The following MID1 variants were observed in gnomAD, a reference collection of about 807,000 sequenced individuals.
MID1 encodes the protein midline 1, also known as E3 ubiquitin-protein ligase Midline-1.
Under a neutral mutation model 40.4 loss-of-function variants are expected in MID1, and 7 were observed. That is an observed-to-expected ratio of 0.17 (90% CI 0.10 to 0.33). The LOEUF (loss-of-function observed/expected upper bound fraction) is 0.33. MID1 is among the 10% of genes least tolerant of loss of function. MID1 has a pLI of 1.00. For synonymous variants in MID1, 229 were observed against 221.2 expected (o/e 1.04, Z -0.31); for missense variants, 367 against 558.5 (o/e 0.66, Z 3.46).
intron 3 of MID1, among the ~76,000 whole-genome samples, chrX:10,513,001 C>T (rs1038941567): frequency 8.9e-6 from 1 of 111,872 alleles, no homozygotes; most frequent in African/African-American, 3.2e-5. Context: ...CAAAAATAAC[C>T]AGTACTACAA....
intron 3 of MID1, among the ~76,000 whole-genome samples, chrX:10,516,289 G>T (rs1299929216): frequency 6.6e-5 from 7 of 105,599 alleles, no homozygotes; most frequent in African/African-American, 2.5e-4. Context: ...CTGCCTCCCG[G>T]GTTCACGCCA....
intron 1 of MID1, among the ~76,000 whole-genome samples, chrX:10,760,583 T>G (rs775192386): frequency 8.1e-5 from 9 of 111,198 alleles, no homozygotes; most frequent in African/African-American, 2.6e-4. Flanking sequence ...CCTGTAATCC[T>G]AGCACTTTGG....
intron 1 of MID1, among the ~76,000 whole-genome samples, chrX:10,809,838 C>T (rs1400097445): frequency 9.1e-6 from 1 of 110,071 alleles, no homozygotes; most frequent in Non-Finnish European, 1.9e-5. Context: ...ATGGGTGCAG[C>T]ACACCAACAT....
chrX:10,805,316 C>T (rs1325144989), intron 1 of MID1, among the ~76,000 whole-genome samples: 8 of 98,099 alleles, frequency 8.2e-5, no homozygotes, highest in Middle Eastern at 5.2e-3. Flanking sequence ...TGAGAATATG[C>T]GGTGTTTGGT....
At chrX:10,663,528 T>TTTTG (rs201374976) in intron 1 of MID1, among the ~76,000 whole-genome samples, 1 of 111,769 alleles carries the variant, frequency 8.9e-6, no homozygotes, top group African/African-American at 3.3e-5. Flanking sequence ...TTTGTTTGTT[T>TTTTG]TTTGTTTGTT....
chrX:10,459,531 T>G, intron 8 of MID1, 115 bp downstream of exon 8: 1 of 827,148 alleles, frequency 1.2e-6, no homozygotes, highest in Non-Finnish European at 1.8e-6. Flanking sequence ...TTTTACTTGT[T>G]TTGGGGGGCT....
chrX:10,541,859 T>C (rs1404772147), intron 2 of MID1, among the ~76,000 whole-genome samples: 1 of 111,795 alleles, frequency 8.9e-6, no homozygotes, highest in Non-Finnish European at 1.9e-5. Context: ...ATAAGCACCT[T>C]ACGCTGAAGT....
intron 1 of MID1, among the ~76,000 whole-genome samples, chrX:10,771,024 T>A (rs990227451): frequency 8.5e-5 from 9 of 106,100 alleles, no homozygotes; most frequent in African/African-American, 2.8e-4. Flanking sequence ...GAGAATGGCG[T>A]GAACCCGGGA....
chrX:10,750,212 G>C (rs1232163603), intron 1 of MID1, among the ~76,000 whole-genome samples: 1 of 111,568 alleles, frequency 9.0e-6, no homozygotes, highest in Non-Finnish European at 1.9e-5. Flanking sequence ...AGCCTCCTGA[G>C]TGGTCACAGA....
At chrX:10,473,160 CA>C (rs1435930524) in intron 6 of MID1, among the ~76,000 whole-genome samples, 1 of 112,454 alleles carries the variant, frequency 8.9e-6, no homozygotes, top group African/African-American at 3.2e-5. Flanking sequence ...TTCAAGTTTT[CA>C]ATAGCCCCAT....
intron 2 of MID1, among the ~76,000 whole-genome samples, chrX:10,560,905 T>C (rs928810356): frequency 6.5e-5 from 7 of 106,981 alleles, no homozygotes; most frequent in Non-Finnish European, 1.3e-4. Context: ...AGAGCCCATA[T>C]AGCCAAGACA....
At chrX:10,516,031 C>G (rs1366075909) in intron 3 of MID1, among the ~76,000 whole-genome samples, 2 of 111,258 alleles carry the variant, frequency 1.8e-5, no homozygotes, top group Admixed American at 1.9e-4. Flanking sequence ...TTGTCTTTCA[C>G]TACATATATA....
intron 7 of MID1, among the ~76,000 whole-genome samples, chrX:10,462,788 A>G (rs1215878065): frequency 2.7e-5 from 3 of 112,075 alleles, no homozygotes; most frequent in African/African-American, 9.7e-5. Flanking sequence ...AATTATGTGT[A>G]AAAATGTCAC....
intron 4 of MID1, among the ~76,000 whole-genome samples, chrX:10,488,623 T>C (rs902624282): frequency 9.0e-6 from 1 of 111,545 alleles, no homozygotes; most frequent in African/African-American, 3.3e-5. Flanking sequence ...GCCAACTTGA[T>C]TGGATTGAAG....
At chrX:10,711,587 A>G (rs932501672) in intron 1 of MID1, among the ~76,000 whole-genome samples, 1 of 112,225 alleles carries the variant, frequency 8.9e-6, no homozygotes, top group Non-Finnish European at 1.9e-5. Flanking sequence ...CTGTATTTCA[A>G]TTGTGGTTTT....
chrX:10,648,178 T>C (rs1177899339), intron 1 of MID1, among the ~76,000 whole-genome samples: 2 of 112,089 alleles, frequency 1.8e-5, no homozygotes, highest in Non-Finnish European at 3.8e-5. Context: ...TATGGTGTTG[T>C]TACAATGCCC....
At chrX:10,509,999 A>G (rs1932033737) in intron 3 of MID1, among the ~76,000 whole-genome samples, 1 of 112,266 alleles carries the variant, frequency 8.9e-6, no homozygotes. Context: ...ACAATTCACT[A>G]TGTAGTTTCC....
intron 1 of MID1, among the ~76,000 whole-genome samples, chrX:10,701,138 A>G (rs12394761): frequency 0.094 from 10,518 of 111,771 alleles, 783 homozygotes; most frequent in African/African-American, 0.25. Flanking sequence ...GATGCAAGCA[A>G]AGGTTAGAGC....
chrX:10,586,318 T>C (rs941429097), intron 1 of MID1, among the ~76,000 whole-genome samples: 2 of 111,569 alleles, frequency 1.8e-5, no homozygotes, highest in Non-Finnish European at 1.9e-5. Flanking sequence ...CGGCCGTGCA[T>C]GGACCAGTTA....
Sources: gnomAD v4.1 joint callset for allele counts (sites outside exome capture counted in the v4.1 genomes callset) on GRCh38, gnomAD v4.1.1 for gene constraint, MANE v1.5 for transcripts, NCBI Gene and HGNC (gene_info 2026-07-23, HGNC 2026-07-21) for gene names.